CCDC74A: variants seen among roughly 807,000 people sequenced by gnomAD.
The protein encoded by CCDC74A is coiled-coil domain containing 74A.
Under a neutral mutation model 37.6 loss-of-function variants are expected in CCDC74A, and 38 were observed. The ratio of observed to expected loss-of-function variants is 1.01; its 90% confidence interval spans 0.78 to 1.33. CCDC74A has a LOEUF of 1.33. CCDC74A is among the 40% of genes most tolerant of loss of function. CCDC74A has a pLI of 0.00. For missense variants in CCDC74A, 340 were observed against 403.4 expected, an observed-to-expected ratio of 0.84 and a Z score of 1.35; for synonymous variants, 134 against 165.2, an observed-to-expected ratio of 0.81 and a Z score of 1.45.
At chr2:131,529,559 C>T (rs749739607) in intron 1 of CCDC74A, 88 bp from the exon 2 acceptor site, 36 of 1,577,258 alleles carry the variant, frequency 2.3e-5, no homozygotes, top group African/African-American at 8.1e-5. Flanking sequence ...CTTTTGGGCT[C>T]AGCAGCCAGG....
rs1681453105 is a variant in CCDC74A, at chr2:131,532,154, G to A, written c.485+352G>A. Reference sequence around the variant, plus strand: ...CCCCTGGCCACAGCCTGCCTTTGGAGGGCACTAGGCCAGCAGGTCAGAGTA... The same window carrying A: ...CCCCTGGCCACAGCCTGCCTTTGGAAGGCACTAGGCCAGCAGGTCAGAGTA... On this transcript the variant is annotated intron_variant, in intron 4 of 7. Coordinates refer to ENST00000409856, the MANE Select transcript of CCDC74A (RefSeq NM_001258306.3). 1.3e-5 allele frequency among the ~76,000 whole-genome samples: 2 copies of A among 148,608 alleles called. 1 individual carries two copies. Among genetic ancestry groups the A allele is most frequent in the Admixed American group, 1.3e-4 (2 of 14,862 alleles).
At chr2:131,529,784 CCT>C (rs1680904469) in intron 2 of CCDC74A, 93 bp downstream of exon 2, 3 of 1,566,772 alleles carry the variant, frequency 1.9e-6, no homozygotes, top group Non-Finnish European at 2.6e-6. Context: ...TGCACTGGCC[CCT>C]GTATGCCAAC....
chr2:131,525,077 A>G (rs1426233025), upstream of CCDC74A, among the ~76,000 whole-genome samples: 1 of 152,086 alleles, frequency 6.6e-6, no homozygotes, highest in Non-Finnish European at 1.5e-5. Flanking sequence ...CCCTCCCAGC[A>G]GTAATATTGC....
chr2:131,524,905 AAAAAAATT>A (rs1281627227), upstream of CCDC74A, among the ~76,000 whole-genome samples: 1 of 148,094 alleles, frequency 6.8e-6, no homozygotes, highest in Admixed American at 6.8e-5. Flanking sequence ...AAAAAAAAAA[AAAAAAATT>A]AGCCAGGCAT....
intron 1 of CCDC74A, 107 bp from the exon 2 acceptor site, chr2:131,529,540 G>T (rs768245156): frequency 1.6e-5 from 24 of 1,459,874 alleles, no homozygotes; most frequent in Non-Finnish European, 2.3e-5. Context: ...AGCCAGTGGG[G>T]GGGCAGGACT....
At chr2:131,527,121 A>T (rs1268129121), upstream of CCDC74A, among the ~76,000 whole-genome samples, 7 of 137,754 alleles carry the variant, frequency 5.1e-5, no homozygotes, top group African/African-American at 1.9e-4. Context: ...TTATTTATTT[A>T]TTTTTTGAGA....
intron 3 of CCDC74A, among the ~76,000 whole-genome samples, chr2:131,531,142 A>G (rs1408995584): frequency 4.6e-5 from 7 of 152,248 alleles, no homozygotes; most frequent in Admixed American, 4.6e-4. Flanking sequence ...GCCCAGCAGC[A>G]GCCCTGCTTG....
chr2:131,531,257 T>C (rs1176556590), intron 3 of CCDC74A, among the ~76,000 whole-genome samples: 3 of 152,066 alleles, frequency 2.0e-5, no homozygotes, highest in Non-Finnish European at 4.4e-5. Flanking sequence ...GCAGAGAGCC[T>C]CTTTTCCCCA....
rs1309600513 is a variant in CCDC74A at position 131,531,209 on chromosome 2, C to T, written c.346+382C>T. Among the ~76,000 whole-genome samples the T allele has an allele frequency of 4.6e-5, 7 of 152,148 alleles. No individual in the cohort carries two copies. The East Asian group carries it at 7.7e-4, about 17-fold the overall frequency. ...AGGAGGGATGGCACTGCCCACGGAG[C>T]CCTGGGCTCATGGCACCTTCTGCAG... On this transcript the variant is annotated intron_variant, in intron 3 of 7. Coordinates refer to ENST00000409856, the MANE Select transcript of CCDC74A (RefSeq NM_001258306.3).
chr2:131,524,118 C>T (rs1468062567), upstream of CCDC74A, among the ~76,000 whole-genome samples: 2 of 152,196 alleles, frequency 1.3e-5, no homozygotes, highest in Admixed American at 6.5e-5. Flanking sequence ...AGTCGAATTC[C>T]TTCTTCTGAG....
chr2:131,525,525 C>T (rs1408500189), upstream of CCDC74A, among the ~76,000 whole-genome samples: 1 of 152,090 alleles, frequency 6.6e-6, no homozygotes, highest in Non-Finnish European at 1.5e-5. Context: ...CTTTTCATTT[C>T]TGTTGTGTTT....
chr2:131,523,574 CCG>C (rs1680200117), upstream of CCDC74A, among the ~76,000 whole-genome samples: 1 of 152,138 alleles, frequency 6.6e-6, no homozygotes, highest in Non-Finnish European at 1.5e-5. Context: ...TTGCAGTAAG[CCG>C]AGATCGCACC....
At chr2:131,530,898 A>T in intron 3 of CCDC74A, 71 bp downstream of exon 3, 1 of 1,564,806 alleles carries the variant, frequency 6.4e-7, no homozygotes, top group Non-Finnish European at 8.7e-7. Context: ...GGTGGCCTCT[A>T]GGGGTGCTGA....
chr2:131,529,446 T>C, intron 1 of CCDC74A: 1 of 739,082 alleles, frequency 1.4e-6, no homozygotes. Flanking sequence ...GGGCTCTGCC[T>C]AGGGAACAGG....
chr2:131,527,686 G>A (rs1237799895), upstream of CCDC74A: 2 of 424,066 alleles, frequency 4.7e-6, no homozygotes, highest in African/African-American at 4.2e-5. Context: ...GTAGAGTTGG[G>A]GTTTCGCCAT....
rs141323157 is a variant in CCDC74A, at chr2:131,532,731, G to A, written c.628G>A (p.Glu210Lys). ...LRKPTTLRQC[E>K]VLIRELWNTN... ...AAAGCCCACCACACTTAGGCAGTGCGAAGTGCTCATCCGCGAGCTGTGGAA... is the reference window on the plus strand; with the variant it reads ...AAAGCCCACCACACTTAGGCAGTGCAAAGTGCTCATCCGCGAGCTGTGGAA... The change falls in exon 5 of 8, where the codon GAA (glutamate) becomes AAA (lysine). Residue 210 changes from glutamate (E) to lysine (K), a missense_variant. Around this residue, in one of 3 missense-constraint regions of CCDC74A, gnomAD observed 185 missense variants for 231.5 expected, o/e 0.80. Transcript: ENST00000409856. 1.2e-5 allele frequency: 19 copies of A among 1,613,650 alleles called. No homozygotes were observed. The African/African-American group carries it at 1.2e-4, about 10-fold the overall frequency.
At chr2:131,528,458 A>T in intron 1 of CCDC74A, 1 of 1,549,010 alleles carries the variant, frequency 6.5e-7, no homozygotes, top group South Asian at 1.2e-5. Context: ...AGCATTTCAG[A>T]TGCTGACTCC....
intron 1 of CCDC74A, chr2:131,528,669 G>A: frequency 4.2e-6 from 2 of 472,348 alleles, no homozygotes; most frequent in South Asian, 3.7e-5. Flanking sequence ...CAATTAGCTA[G>A]GCGTGGTGGT....
upstream of CCDC74A, among the ~76,000 whole-genome samples, chr2:131,526,982 C>A (rs1386001849): frequency 2.7e-5 from 4 of 150,216 alleles, no homozygotes; most frequent in East Asian, 7.8e-4. Context: ...ATGTTCCCTT[C>A]CTCCAGGTTT....
Sources: gnomAD v4.1 joint callset for allele counts (sites outside exome capture counted in the v4.1 genomes callset) on GRCh38, gnomAD v4.1.1 for gene constraint, gnomAD v4.1.1 regional missense constraint, MANE v1.5 for transcripts, NCBI Gene and HGNC (gene_info 2026-07-23, HGNC 2026-07-21) for gene names.